IL16: variants seen among roughly 807,000 people sequenced by gnomAD.
The protein encoded by IL16 is pro-interleukin-16.
Under a neutral mutation model 110.1 loss-of-function variants are expected in IL16, and 67 were observed. That is an observed-to-expected ratio of 0.61 (90% CI 0.50 to 0.75). The LOEUF is 0.75. IL16 is among the 30% of genes least tolerant of loss of function. The probability of loss-of-function intolerance (pLI) is 0.00; values close to 1 mark genes in which losing one functional copy is unlikely to be tolerated. For synonymous variants in IL16, 689 were observed against 662.9 expected (o/e 1.04, Z -0.61); for missense variants, 1,545 against 1,655.0 (o/e 0.93, Z 1.15).
At chr15:81,277,918 G>A (rs1898986966) in intron 6 of IL16, among the ~76,000 whole-genome samples, 1 of 152,098 alleles carries the variant, frequency 6.6e-6, no homozygotes, top group African/African-American at 2.4e-5. Flanking sequence ...TGAAAGAAAG[G>A]GAGAAAGTGG....
chr15:81,239,989 A>G (rs1026040309), intron 2 of IL16, among the ~76,000 whole-genome samples: 8 of 152,100 alleles, frequency 5.3e-5, no homozygotes, highest in Non-Finnish European at 1.2e-4. Flanking sequence ...TTCCCAGGGT[A>G]TTTAGTTGTA....
At chr15:81,197,242 C>T in intron 1 of IL16, 90 bp downstream of exon 1, 3 of 866,624 alleles carry the variant, frequency 3.5e-6, no homozygotes, top group South Asian at 3.2e-5. Flanking sequence ...TGGGGAGGGT[C>T]TTGGTTGCTA....
chr15:81,252,810 G>A (rs994018706), intron 2 of IL16, among the ~76,000 whole-genome samples: 4 of 152,056 alleles, frequency 2.6e-5, no homozygotes, highest in African/African-American at 7.2e-5. Context: ...GCATGTATCA[G>A]TTCATTCATT....
chr15:81,259,726 T>A (rs755057654), intron 2 of IL16, 46 bp from the exon 3 acceptor site: 4 of 1,387,234 alleles, frequency 2.9e-6, no homozygotes, highest in Non-Finnish European at 4.1e-6. Flanking sequence ...AAGCACAAGT[T>A]TTCTATTCTA....
At chr15:81,298,889 A>G (rs1001791512) in intron 13 of IL16, among the ~76,000 whole-genome samples, 4 of 152,204 alleles carry the variant, frequency 2.6e-5, no homozygotes, top group Admixed American at 1.3e-4. Flanking sequence ...GTTTTTAATG[A>G]CACGGGTAGG....
intron 13 of IL16, among the ~76,000 whole-genome samples, chr15:81,297,292 C>T (rs906145312): frequency 6.6e-6 from 1 of 151,916 alleles, no homozygotes; most frequent in Non-Finnish European, 1.5e-5. Flanking sequence ...ACGGGTGATG[C>T]TGTGGGGGTG....
chr15:81,279,896 C>T (rs997160222), intron 8 of IL16, 122 bp downstream of exon 8: 4 of 803,552 alleles, frequency 5.0e-6, no homozygotes, highest in South Asian at 3.3e-5. Context: ...GCACATTTTA[C>T]AGCTACTGCT....
chr15:81,245,784 C>A (rs1897523633), intron 2 of IL16, among the ~76,000 whole-genome samples: 2 of 131,268 alleles, frequency 1.5e-5, no homozygotes, highest in Non-Finnish European at 3.1e-5. Context: ...TTGCCAGCTG[C>A]AATTCTGGAA....
In IL16 at chr15:81,313,510, G is replaced by C; in HGVS notation, c.*4712G>C. On this transcript the variant is annotated 3_prime_UTR_variant, in exon 19 of 19. Transcript: ENST00000683961. ...GCCCAGTGGAAATGGCCATGATACA[G>C]TGATCGCGTCTCATCCCTTGCTGTG... is the stretch of plus-strand genomic sequence containing the variant. The C allele has an allele frequency of 8.9e-7, 1 of 1,120,710 alleles. No homozygotes were observed. Among genetic ancestry groups the C allele is most frequent in the Non-Finnish European group, 1.2e-6 (1 of 824,738 alleles). The allele number at this position is 1,120,710 out of a possible 1,614,324, so 69.4% of individuals were successfully genotyped here.
chr15:81,249,426 G>A (rs1897688823), intron 2 of IL16, among the ~76,000 whole-genome samples: 1 of 151,520 alleles, frequency 6.6e-6, no homozygotes, highest in African/African-American at 2.4e-5. Flanking sequence ...TTTTCTGTCT[G>A]TAAAGACCTT....
chr15:81,233,872 A>G (rs1278576276), intron 2 of IL16, among the ~76,000 whole-genome samples: 2 of 152,036 alleles, frequency 1.3e-5, no homozygotes, highest in Non-Finnish European at 2.9e-5. Flanking sequence ...TGAAAGAAGC[A>G]TGTTAAAGCC....
At chr15:81,244,537 A>G (rs1299841426) in intron 2 of IL16, among the ~76,000 whole-genome samples, 1 of 152,144 alleles carries the variant, frequency 6.6e-6, no homozygotes, top group Non-Finnish European at 1.5e-5. Flanking sequence ...CCTCTTTCAG[A>G]TAAGAAATCT....
intron 4 of IL16, among the ~76,000 whole-genome samples, chr15:81,267,430 A>T (rs1349195839): frequency 6.6e-6 from 1 of 152,132 alleles, no homozygotes; most frequent in Non-Finnish European, 1.5e-5. Context: ...AGAACCAATA[A>T]GAGATGTATA....
chr15:81,215,910 A>T (rs1255599474), intron 1 of IL16, among the ~76,000 whole-genome samples: 8 of 152,160 alleles, frequency 5.3e-5, no homozygotes, highest in Non-Finnish European at 1.0e-4. Context: ...TGGGGATTCT[A>T]TGTGCTCCAG....
chr15:81,282,612 C>A, intron 8 of IL16, 27 bp from the exon 9 acceptor site: 1 of 1,572,866 alleles, frequency 6.4e-7, no homozygotes, highest in Non-Finnish European at 8.7e-7. Flanking sequence ...GTCCCGGTCT[C>A]CCCACCCCGC....
At chr15:81,283,574 C>T (rs79049011) in intron 9 of IL16, among the ~76,000 whole-genome samples, 2,229 of 152,234 alleles carry the variant, frequency 0.015, 69 homozygotes, top group African/African-American at 0.052. Context: ...TAAGAAGCAT[C>T]GTCTCAGAGA....
At chr15:81,224,832 G>T (rs1321785466) in intron 1 of IL16, among the ~76,000 whole-genome samples, 1 of 152,170 alleles carries the variant, frequency 6.6e-6, no homozygotes. Context: ...TTACCAAGGG[G>T]ACCAGGAAAG....
At chr15:81,185,824 G>C (rs1346507187) in intron 1 of IL16, among the ~76,000 whole-genome samples, 2 of 152,140 alleles carry the variant, frequency 1.3e-5, no homozygotes, top group Admixed American at 6.6e-5. Context: ...AGGGTGTGTG[G>C]GAGTTACACT....
chr15:81,229,265 G>A (rs952400226), intron 2 of IL16, among the ~76,000 whole-genome samples: 5 of 152,126 alleles, frequency 3.3e-5, no homozygotes, highest in Non-Finnish European at 7.3e-5. Flanking sequence ...TGGGTACACC[G>A]AGGAGGGCAG....
Sources: gnomAD v4.1 joint callset for allele counts (sites outside exome capture counted in the v4.1 genomes callset) on GRCh38, gnomAD v4.1.1 for gene constraint, MANE v1.5 for transcripts, NCBI Gene and HGNC (gene_info 2026-07-23, HGNC 2026-07-21) for gene names.